The following KIF4A variants were observed in gnomAD, a reference collection of about 807,000 sequenced individuals.
KIF4A encodes kinesin family member 4A.
A neutral mutation model predicts 105.9 loss-of-function variants in KIF4A; 7 were observed. The observed-to-expected ratio is 0.07, with a 90% confidence interval of 0.04 to 0.12. The LOEUF (loss-of-function observed/expected upper bound fraction) is 0.12, where lower values mean the gene tolerates loss of function less well. Among genes scored for constraint, KIF4A ranks in the 10% least tolerant of loss-of-function variants. KIF4A has a pLI of 1.00. For synonymous variants in KIF4A, 281 were observed against 331.3 expected, an observed-to-expected ratio of 0.85 and a Z score of 1.65; for missense variants, 558 against 929.2, an observed-to-expected ratio of 0.60 and a Z score of 5.19.
At chrX:70,351,264 C>T (rs1459905525) in intron 13 of KIF4A, among the ~76,000 whole-genome samples, 3 of 111,937 alleles carry the variant, frequency 2.7e-5, no homozygotes, top group Non-Finnish European at 3.8e-5. Flanking sequence ...TACTGTACTT[C>T]GTACCCAATA....
At chrX:70,397,390 A>G (rs981872247) in intron 22 of KIF4A, among the ~76,000 whole-genome samples, 2 of 111,187 alleles carry the variant, frequency 1.8e-5, no homozygotes, top group Non-Finnish European at 3.8e-5. Flanking sequence ...GACAGACAGA[A>G]AGAAAGGAAA....
At chrX:70,301,673 A>G (rs183773605) in intron 5 of KIF4A, among the ~76,000 whole-genome samples, 39 of 111,955 alleles carry the variant, frequency 3.5e-4, no homozygotes, top group African/African-American at 9.7e-4. Context: ...TTCTAGCTCC[A>G]GTATTAGCTG....
chrX:70,380,234 A>C (rs1187583546), intron 18 of KIF4A, among the ~76,000 whole-genome samples: 1 of 110,768 alleles, frequency 9.0e-6, no homozygotes, highest in African/African-American at 3.3e-5. Flanking sequence ...CTTGAACCCA[A>C]GAGGAAGAGG....
chrX:70,322,493 A>G (rs2085894814), intron 7 of KIF4A, among the ~76,000 whole-genome samples: 1 of 107,920 alleles, frequency 9.3e-6, no homozygotes, highest in Non-Finnish European at 1.9e-5. Flanking sequence ...TTGTATTTTT[A>G]GTAGAGATGG....
chrX:70,372,872 TATTGA>T (rs2086146123), intron 15 of KIF4A, among the ~76,000 whole-genome samples: 2 of 112,853 alleles, frequency 1.8e-5, no homozygotes, highest in Non-Finnish European at 3.8e-5. Context: ...TATTATTAAT[TATTGA>T]CATAGATAGG....
At chrX:70,294,458 C>T (rs1569227614) in intron 3 of KIF4A, among the ~76,000 whole-genome samples, 4 of 112,379 alleles carry the variant, frequency 3.6e-5, no homozygotes, top group Non-Finnish European at 7.5e-5. Context: ...TATTATGAAG[C>T]GTTACATACT....
At chrX:70,354,785 G>A (rs1245958408) in intron 15 of KIF4A, among the ~76,000 whole-genome samples, 1 of 111,876 alleles carries the variant, frequency 8.9e-6, no homozygotes, top group African/African-American at 3.3e-5. Flanking sequence ...CAGGGCCCAC[G>A]ACTGCAGGAC....
In KIF4A at chrX:70,384,454, T is replaced by C. The variant is rs5936887; in HGVS notation, c.2035-2164T>C. Among the ~76,000 whole-genome samples, 621 of 110,998 alleles carry C rather than the reference T, an allele frequency of 5.6e-3. 2 individuals are homozygous for C. Among genetic ancestry groups the C allele is most frequent in the Non-Finnish European group, 9.2e-3 (486 of 52,950 alleles). On this transcript the variant is annotated intron_variant, in intron 18 of 30. Transcript: ENST00000374403. ...CTAGAGTTCAAGGGAGAAGTTGGGC[T>C]GGACTTTGCAATTAAGAGTTGTCTT...
chrX:70,369,767 C>T (rs767857945), intron 15 of KIF4A, among the ~76,000 whole-genome samples: 1 of 111,189 alleles, frequency 9.0e-6, no homozygotes, highest in Non-Finnish European at 1.9e-5. Flanking sequence ...ATGTTTAACA[C>T]ATTTTATTTG....
intron 28 of KIF4A, among the ~76,000 whole-genome samples, chrX:70,417,413 G>A (rs2086348731): frequency 1.8e-5 from 2 of 111,865 alleles, no homozygotes; most frequent in Non-Finnish European, 1.9e-5. Context: ...TTGATAGGCC[G>A]AGGCAGGTGG....
At chrX:70,381,638 A>T (rs750994479) in intron 18 of KIF4A, among the ~76,000 whole-genome samples, 1 of 112,512 alleles carries the variant, frequency 8.9e-6, no homozygotes. Flanking sequence ...AGACTTGTAT[A>T]CTTGAAAACT....
At chrX:70,330,066 T>A in intron 8 of KIF4A, 91 bp from the exon 9 acceptor site, 1 of 790,362 alleles carries the variant, frequency 1.3e-6, no homozygotes, top group Non-Finnish European at 1.8e-6. Flanking sequence ...TAGCTCTGAA[T>A]TTTAAGTCAC....
intron 13 of KIF4A, among the ~76,000 whole-genome samples, chrX:70,351,969 C>A (rs2086032709): frequency 9.0e-6 from 1 of 111,035 alleles, no homozygotes; most frequent in African/African-American, 3.3e-5. Flanking sequence ...TCATGTTGGC[C>A]AGGCTGATCT....
intron 29 of KIF4A, among the ~76,000 whole-genome samples, chrX:70,418,218 C>T (rs1269008541): frequency 8.0e-5 from 9 of 111,809 alleles, no homozygotes; most frequent in Non-Finnish European, 1.5e-4. Context: ...AACCACAGCA[C>T]TTCCCAGGAG....
rs1434811032 is a variant in KIF4A, at chrX:70,404,697, G to A, written c.2791-18G>A. The A allele has an allele frequency of 8.6e-7, 1 of 1,160,597 alleles. No homozygotes were observed. The highest frequency in any genetic ancestry group is 2.3e-5 in the Admixed American group (1 of 44,059). ...TTGGTACCTTTGTTACCACCCATTG[G>A]ATCGTGTCTTTCTCTAGGTGCTGTA... is the stretch of plus-strand genomic sequence containing the variant. On this transcript the variant is annotated intron_variant, in intron 24 of 30. Transcript: ENST00000374403.
intron 10 of KIF4A, among the ~76,000 whole-genome samples, chrX:70,341,009 T>A (rs774366050): frequency 8.9e-6 from 1 of 111,745 alleles, no homozygotes; most frequent in South Asian, 3.7e-4. Flanking sequence ...GGAACTGATA[T>A]CAAGTGATAT....
intron 9 of KIF4A, among the ~76,000 whole-genome samples, chrX:70,332,505 C>T (rs942131902): frequency 4.5e-5 from 5 of 110,664 alleles, no homozygotes; most frequent in African/African-American, 9.9e-5. Flanking sequence ...AACCGAGTGG[C>T]GAGCGAAAGG....
intron 16 of KIF4A, among the ~76,000 whole-genome samples, chrX:70,374,790 T>G (rs1340399673): frequency 8.9e-6 from 1 of 112,274 alleles, no homozygotes; most frequent in Non-Finnish European, 1.9e-5. Context: ...CTATCCTACC[T>G]TCTTTTTACT....
chrX:70,302,084 G>A lies in KIF4A; in HGVS notation c.683+18G>A. On this transcript the variant is annotated intron_variant, in intron 6 of 30. Transcript: ENST00000374403. Reference sequence around the variant, plus strand: ...AGTGACAAGTAAGTTACAATTTAAAGAGTCAAGATTTTTAGTATTAGTTCT... The same window carrying A: ...AGTGACAAGTAAGTTACAATTTAAAAAGTCAAGATTTTTAGTATTAGTTCT... The A allele has an allele frequency of 8.3e-7, 1 of 1,205,129 alleles. No individual in the cohort carries two copies. The highest frequency in any genetic ancestry group is 1.8e-5 in the South Asian group (1 of 56,314).
Sources: allele counts gnomAD v4.1 joint callset (sites outside exome capture counted in the v4.1 genomes callset), GRCh38; gene constraint gnomAD v4.1.1; transcripts MANE v1.5; gene names NCBI Gene and HGNC (gene_info 2026-07-23, HGNC 2026-07-21).